Variants in PACRG observed in about 807,000 individuals in gnomAD.
PACRG encodes the protein parkin coregulated gene protein.
Under a neutral mutation model 29.7 loss-of-function variants are expected in PACRG, and 29 were observed. The observed-to-expected ratio is 0.98, with a 90% confidence interval of 0.73 to 1.33. The LOEUF (loss-of-function observed/expected upper bound fraction) is 1.33, where lower values mean the gene tolerates loss of function less well. Among genes scored for constraint, PACRG ranks in the 40% most tolerant of loss-of-function variants. The pLI is 0.00. For synonymous variants in PACRG, 116 were observed against 118.7 expected (o/e 0.98, Z 0.15); for missense variants, 279 against 316.2 (o/e 0.88, Z 0.89).
At chr6:163,229,199 G>A (rs928755405) in intron 4 of PACRG, among the ~76,000 whole-genome samples, 1 of 152,114 alleles carries the variant, frequency 6.6e-6, no homozygotes, top group Non-Finnish European at 1.5e-5. Context: ...CGTCTCTACA[G>A]AAAAGTAACC....
chr6:163,136,034 G>A (rs544287723), intron 4 of PACRG, among the ~76,000 whole-genome samples: 13 of 152,232 alleles, frequency 8.5e-5, no homozygotes, highest in African/African-American at 3.1e-4. Flanking sequence ...TTGGTCATAT[G>A]TGTTTGCAGA....
At chr6:163,276,661 G>T (rs1231622391) in intron 4 of PACRG, among the ~76,000 whole-genome samples, 1 of 152,184 alleles carries the variant, frequency 6.6e-6, no homozygotes, top group Non-Finnish European at 1.5e-5. Context: ...AGGCCTTTGG[G>T]GGGTGATTAG....
intron 2 of PACRG, among the ~76,000 whole-genome samples, chr6:163,008,244 C>T (rs1275890853): frequency 6.6e-6 from 1 of 152,102 alleles, no homozygotes; most frequent in Admixed American, 6.5e-5. Flanking sequence ...CTCAGGCCCT[C>T]AAAGACAGAT....
At chr6:163,272,329 G>A (rs1357425383) in intron 4 of PACRG, among the ~76,000 whole-genome samples, 4 of 152,082 alleles carry the variant, frequency 2.6e-5, no homozygotes, top group Non-Finnish European at 5.9e-5. Flanking sequence ...AAGCCACCGC[G>A]CCCGGCCTGT....
intron 4 of PACRG, among the ~76,000 whole-genome samples, chr6:163,156,064 C>T (rs1038663381): frequency 9.2e-5 from 14 of 152,200 alleles, no homozygotes; most frequent in African/African-American, 3.4e-4. Flanking sequence ...GAAGCCCTCG[C>T]CGCCGTGTGC....
intron 4 of PACRG, among the ~76,000 whole-genome samples, chr6:163,225,597 C>T (rs774320927): frequency 3.3e-5 from 5 of 152,146 alleles, no homozygotes; most frequent in Middle Eastern, 3.2e-3. Context: ...AGGACCCTTA[C>T]GCACTGTTAG....
At chr6:163,066,621 CAG>C (rs1449369287) in intron 3 of PACRG, among the ~76,000 whole-genome samples, 1 of 152,154 alleles carries the variant, frequency 6.6e-6, no homozygotes, top group Non-Finnish European at 1.5e-5. Context: ...GGTAGTTAAA[CAG>C]AGTCTGTCTA....
intron 1 of PACRG, among the ~76,000 whole-genome samples, chr6:162,757,319 T>C (rs950367352): frequency 6.6e-6 from 1 of 152,192 alleles, no homozygotes; most frequent in Non-Finnish European, 1.5e-5. Context: ...ACTGTGAAAA[T>C]AAAACTGGCA....
chr6:162,891,800 G>A (rs1161730017), intron 2 of PACRG, among the ~76,000 whole-genome samples: 2 of 152,080 alleles, frequency 1.3e-5, no homozygotes, highest in East Asian at 1.9e-4. Flanking sequence ...GACCTGTTTC[G>A]ATGAGACCAA....
At chr6:162,812,457 A>G (rs550541108) in intron 1 of PACRG, among the ~76,000 whole-genome samples, 10 of 152,232 alleles carry the variant, frequency 6.6e-5, no homozygotes, top group African/African-American at 2.2e-4. Context: ...TCACACATTT[A>G]TGCTCATTTA....
chr6:163,136,139 C>T (rs532794626), intron 4 of PACRG, among the ~76,000 whole-genome samples: 12 of 152,278 alleles, frequency 7.9e-5, no homozygotes, highest in African/African-American at 2.6e-4. Flanking sequence ...TTTGTGATTT[C>T]GGATTTTTGT....
chr6:163,148,255 T>C (rs1777885335), intron 4 of PACRG, among the ~76,000 whole-genome samples: 1 of 152,222 alleles, frequency 6.6e-6, no homozygotes, highest in Non-Finnish European at 1.5e-5. Flanking sequence ...ACGTCAGTCA[T>C]CTCTGTGCCC....
intron 2 of PACRG, among the ~76,000 whole-genome samples, chr6:162,978,172 T>A (rs2128168383): frequency 6.6e-6 from 1 of 152,060 alleles, no homozygotes; most frequent in Admixed American, 6.5e-5. Context: ...TATAACAGCA[T>A]AAATAGCCCC....
At chr6:162,847,446 A>T (rs995252729) in intron 2 of PACRG, among the ~76,000 whole-genome samples, 1 of 151,458 alleles carries the variant, frequency 6.6e-6, no homozygotes, top group Non-Finnish European at 1.5e-5. Flanking sequence ...TTATGTTACT[A>T]TAGTTTGTAA....
At chr6:163,159,356 A>G (rs1369782108) in intron 4 of PACRG, among the ~76,000 whole-genome samples, 1 of 149,424 alleles carries the variant, frequency 6.7e-6, no homozygotes, top group East Asian at 1.9e-4. Context: ...TAAATGATTT[A>G]TTATAATATA....
chr6:163,300,115 G>A (rs986371255), intron 4 of PACRG, among the ~76,000 whole-genome samples: 3 of 152,218 alleles, frequency 2.0e-5, no homozygotes, highest in Admixed American at 6.5e-5. Flanking sequence ...AATCAGTTGA[G>A]CCCTTTACCC....
At chr6:162,834,289 A>C (rs1393112370) in intron 2 of PACRG, among the ~76,000 whole-genome samples, 1 of 152,192 alleles carries the variant, frequency 6.6e-6, no homozygotes, top group Non-Finnish European at 1.5e-5. Flanking sequence ...TATGAAATAC[A>C]TATAATTTAA....
chr6:163,163,513 G>A (rs186047746), intron 4 of PACRG, among the ~76,000 whole-genome samples: 76 of 150,974 alleles, frequency 5.0e-4, no homozygotes, highest in South Asian at 4.8e-3. Context: ...CTCAGGTGAC[G>A]CGCCTGCCTC....
chr6:163,298,709 C>T (rs1339474693), intron 4 of PACRG, among the ~76,000 whole-genome samples: 1 of 152,136 alleles, frequency 6.6e-6, no homozygotes, highest in Non-Finnish European at 1.5e-5. Context: ...ATTAAACAGC[C>T]ATGACAAATG....
Sources: allele counts gnomAD v4.1 joint callset (sites outside exome capture counted in the v4.1 genomes callset), GRCh38; gene constraint gnomAD v4.1.1; transcripts MANE v1.5; gene names NCBI Gene and HGNC (gene_info 2026-07-23, HGNC 2026-07-21).